The following TNRC6B variants were observed in gnomAD, a reference collection of about 807,000 sequenced individuals.
TNRC6B encodes the protein trinucleotide repeat containing adaptor 6B.
In TNRC6B, 52 loss-of-function variants were observed where a neutral mutation model predicts 203.6. That is an observed-to-expected ratio of 0.26 (90% CI 0.20 to 0.32). The LOEUF (loss-of-function observed/expected upper bound fraction) is 0.32. TNRC6B is among the 10% of genes least tolerant of loss of function. TNRC6B has a pLI of 1.00. For synonymous variants in TNRC6B, 838 were observed against 845.7 expected, an observed-to-expected ratio of 0.99 and a Z score of 0.16; for missense variants, 1,923 against 2,286.2, an observed-to-expected ratio of 0.84 and a Z score of 3.24.
intron 1 of TNRC6B, among the ~76,000 whole-genome samples, chr22:40,067,261 G>GTTCC (rs757892688): frequency 4.6e-5 from 7 of 152,042 alleles, no homozygotes; most frequent in Non-Finnish European, 1.0e-4. Flanking sequence ...TAATGCCTTC[G>GTTCC]TAAGTTTAAT....
chr22:40,069,315 A>G (rs985273029), intron 1 of TNRC6B, among the ~76,000 whole-genome samples: 15 of 151,430 alleles, frequency 9.9e-5, no homozygotes, highest in Non-Finnish European at 1.8e-4. Context: ...TATGTTGTCC[A>G]GGCTGATCTC....
At chr22:40,224,814 T>C (rs757442437) in intron 1 of TNRC6B, among the ~76,000 whole-genome samples, 2 of 152,356 alleles carry the variant, frequency 1.3e-5, no homozygotes, top group South Asian at 2.1e-4. Flanking sequence ...TCTGATCTTA[T>C]GAAGTCGTGT....
intron 4 of TNRC6B, among the ~76,000 whole-genome samples, chr22:40,166,086 G>T (rs529263476): frequency 7.2e-5 from 11 of 152,226 alleles, no homozygotes; most frequent in Admixed American, 2.0e-4. Context: ...ATTTTCAAAA[G>T]AACTTCTGCT....
chr22:40,294,727 C>T (rs1215540037), intron 12 of TNRC6B, among the ~76,000 whole-genome samples: 1 of 152,178 alleles, frequency 6.6e-6, no homozygotes, highest in African/African-American at 2.4e-5. Context: ...CCTCCTTTCC[C>T]CCAGACTCAA....
intron 3 of TNRC6B, among the ~76,000 whole-genome samples, chr22:40,260,271 A>G (rs2070358836): frequency 6.6e-6 from 1 of 151,986 alleles, no homozygotes; most frequent in African/African-American, 2.4e-5. Flanking sequence ...GAGCGGTGCA[A>G]GTCTTTGAGT....
Position 40,332,620 on chromosome 22 carries a change from C to A in TNRC6B, c.*9379C>A, listed in dbSNP as rs1825627797. On this transcript the variant is annotated 3_prime_UTR_variant, in exon 23 of 23. Coordinates refer to ENST00000454349, the MANE Select transcript of TNRC6B (RefSeq NM_001162501.2). ...CTCCTCGTGCCTGTGCAGGGCTGCA[C>A]AGGCATGATCTTATCAGGGTTCCAA... The A allele has an allele frequency of 1.3e-5, 2 of 152,508 alleles. No individual in the cohort carries two copies. The highest frequency in any genetic ancestry group is 1.3e-4 in the Admixed American group (2 of 15,280). The allele number at this position is 152,508 out of a possible 1,614,324, so 9.4% of individuals were successfully genotyped here.
chr22:40,051,116 C>T (rs187305224), intron 1 of TNRC6B, among the ~76,000 whole-genome samples: 1 of 152,332 alleles, frequency 6.6e-6, no homozygotes, highest in Non-Finnish European at 1.5e-5. Context: ...AGCCACCGCA[C>T]CCAGCCTATC....
chr22:40,089,192 G>T (rs2068127086), intron 1 of TNRC6B, among the ~76,000 whole-genome samples: 1 of 152,016 alleles, frequency 6.6e-6, no homozygotes. Flanking sequence ...TAAAATAAAA[G>T]AGGTTAAATA....
chr22:40,244,121 A>T (rs1470448894), intron 1 of TNRC6B, among the ~76,000 whole-genome samples: 1 of 152,182 alleles, frequency 6.6e-6, no homozygotes, highest in Non-Finnish European at 1.5e-5. Flanking sequence ...AGAGGAAGCA[A>T]AAGGCTTTAA....
Position 40,315,516 on chromosome 22 carries a change from G to A in TNRC6B, c.4903+9G>A. Reference sequence around the variant, plus strand: ...CTCACGGCTCGCCTCGGGTGAGGAGGATCTGCCTAAAGGAACACCATTGTT... The same window carrying A: ...CTCACGGCTCGCCTCGGGTGAGGAGAATCTGCCTAAAGGAACACCATTGTT... On this transcript the variant is annotated intron_variant, in intron 20 of 22. Coordinates refer to ENST00000454349, the MANE Select transcript of TNRC6B (RefSeq NM_001162501.2). 6.2e-7 allele frequency: 1 copy of A among 1,613,552 alleles called. No homozygotes were observed. Among genetic ancestry groups the A allele is most frequent in the South Asian group, 1.1e-5 (1 of 91,024 alleles).
intron 3 of TNRC6B, among the ~76,000 whole-genome samples, chr22:40,129,338 CTCTG>C (rs1205268362): frequency 6.6e-6 from 1 of 152,148 alleles, no homozygotes; most frequent in Non-Finnish European, 1.5e-5. Context: ...TAAGAGGTGG[CTCTG>C]TCTGCTGTCT....
intron 3 of TNRC6B, among the ~76,000 whole-genome samples, chr22:40,138,210 A>G (rs2068616704): frequency 6.6e-6 from 1 of 152,184 alleles, no homozygotes; most frequent in South Asian, 2.1e-4. Context: ...GAGTGGGTTA[A>G]ATGATGCCAT....
intron 1 of TNRC6B, among the ~76,000 whole-genome samples, chr22:40,217,566 T>G (rs2069651686): frequency 6.6e-6 from 1 of 152,164 alleles, no homozygotes; most frequent in East Asian, 1.9e-4. Context: ...CTTCTAGAAT[T>G]TACACATCCA....
chr22:40,270,020 C>A, intron 5 of TNRC6B, 102 bp from the exon 6 acceptor site: 1 of 1,146,996 alleles, frequency 8.7e-7, no homozygotes, highest in Non-Finnish European at 1.2e-6. Flanking sequence ...ACATTTCTAC[C>A]AACAGAATAT....
In TNRC6B at chr22:40,314,678, C is replaced by G. The variant is rs563896101; in HGVS notation, c.4679-605C>G. On this transcript the variant is annotated intron_variant, in intron 19 of 22. Coordinates refer to ENST00000454349, the MANE Select transcript of TNRC6B (RefSeq NM_001162501.2). ...CGTGATGATGTTGGGGTCACCACTT[C>G]TGTTGCTCATCTGTTCTGTGTTCCC... is the stretch of plus-strand genomic sequence containing the variant. Among the ~76,000 whole-genome samples the G allele has an allele frequency of 2.0e-5, 3 of 152,334 alleles. No individual in the cohort carries two copies. The South Asian group carries it at 6.2e-4, about 32-fold the overall frequency.
intron 3 of TNRC6B, among the ~76,000 whole-genome samples, chr22:40,151,311 C>T (rs2068750764): frequency 6.6e-6 from 1 of 151,964 alleles, no homozygotes; most frequent in Admixed American, 6.6e-5. Context: ...CACCTGTAAT[C>T]CCAGCTCTTT....
chr22:40,213,717 G>A (rs2069594825), intron 1 of TNRC6B, among the ~76,000 whole-genome samples: 1 of 152,176 alleles, frequency 6.6e-6, no homozygotes, highest in African/African-American at 2.4e-5. Context: ...GCTGCATAGA[G>A]TGCAGTGATC....
intron 1 of TNRC6B, among the ~76,000 whole-genome samples, chr22:40,059,971 C>T (rs1400641689): frequency 3.3e-5 from 5 of 151,512 alleles, no homozygotes; most frequent in Non-Finnish European, 4.4e-5. Flanking sequence ...TACAGGCACA[C>T]ACCACCATTG....
chr22:40,080,524 A>G (rs1027464034), intron 1 of TNRC6B, among the ~76,000 whole-genome samples: 2 of 152,160 alleles, frequency 1.3e-5, no homozygotes, highest in Admixed American at 6.5e-5. Flanking sequence ...TTCTTATGAT[A>G]AGATACAGTG....
Sources: gnomAD v4.1 joint callset for allele counts (sites outside exome capture counted in the v4.1 genomes callset) on GRCh38, gnomAD v4.1.1 for gene constraint, MANE v1.5 for transcripts, NCBI Gene and HGNC (gene_info 2026-07-23, HGNC 2026-07-21) for gene names.